NEK11: variants seen among roughly 807,000 people sequenced by gnomAD.
NEK11 encodes serine/threonine-protein kinase Nek11.
Under a neutral mutation model 80.7 loss-of-function variants are expected in NEK11, and 72 were observed. The observed-to-expected ratio is 0.89, with a 90% CI of 0.74 to 1.08. NEK11 has a LOEUF of 1.08. Ranked by LOEUF, NEK11 falls within the 50% of genes least tolerant of loss-of-function variation. NEK11 has a pLI of 0.00. For synonymous variants in NEK11, 251 were observed against 260.7 expected (o/e 0.96, Z 0.36); for missense variants, 764 against 763.6 (o/e 1.00, Z -0.01).
At chr3:131,046,117 T>C (rs952189498) in intron 3 of NEK11, among the ~76,000 whole-genome samples, 2 of 152,232 alleles carry the variant, frequency 1.3e-5, no homozygotes, top group African/African-American at 4.8e-5. Context: ...AACATTAATA[T>C]TGAGATACAT....
intron 16 of NEK11, among the ~76,000 whole-genome samples, chr3:131,270,984 T>G (rs746545483): frequency 6.6e-6 from 1 of 152,214 alleles, no homozygotes; most frequent in East Asian, 1.9e-4. Context: ...GGAAAGATTA[T>G]TGTAAAAAGC....
intron 5 of NEK11, among the ~76,000 whole-genome samples, chr3:131,120,844 C>T (rs538198579): frequency 3.7e-4 from 57 of 152,266 alleles, no homozygotes; most frequent in Middle Eastern, 3.4e-3. Context: ...CATTTAAGGT[C>T]TTCTCTATGC....
chr3:131,124,797 A>G (rs892631689), intron 5 of NEK11, among the ~76,000 whole-genome samples: 1 of 152,228 alleles, frequency 6.6e-6, no homozygotes. Context: ...AATAGTTATT[A>G]AATAGCAAAG....
At chr3:131,258,287 A>G (rs2095853543) in intron 16 of NEK11, among the ~76,000 whole-genome samples, 1 of 152,084 alleles carries the variant, frequency 6.6e-6, no homozygotes, top group African/African-American at 2.4e-5. Flanking sequence ...ATAGCCAAAA[A>G]CCACCTGTTC....
At chr3:131,038,707 G>T (rs1315204581) in intron 3 of NEK11, among the ~76,000 whole-genome samples, 2 of 152,158 alleles carry the variant, frequency 1.3e-5, no homozygotes, top group Admixed American at 6.5e-5. Context: ...ACTGTTGTTT[G>T]AAAGAAAACA....
intron 15 of NEK11, among the ~76,000 whole-genome samples, chr3:131,233,451 A>G (rs1002383533): frequency 6.6e-6 from 1 of 152,182 alleles, no homozygotes; most frequent in African/African-American, 2.4e-5. Flanking sequence ...GTATTATTTC[A>G]TTTAATTCTT....
intron 3 of NEK11, among the ~76,000 whole-genome samples, chr3:131,033,529 T>C (rs944314945): frequency 6.6e-6 from 1 of 152,218 alleles, no homozygotes; most frequent in African/African-American, 2.4e-5. Context: ...GTAGGACTTA[T>C]GACTAGTTTC....
At chr3:131,304,847 G>A (rs369918518) in intron 17 of NEK11, among the ~76,000 whole-genome samples, 9 of 152,232 alleles carry the variant, frequency 5.9e-5, no homozygotes, top group East Asian at 3.9e-4. Context: ...GTGTTCACGC[G>A]CACATGCCAT....
intron 16 of NEK11, among the ~76,000 whole-genome samples, chr3:131,255,079 G>GGAAAGAAAGAAA (rs59699596): frequency 0.015 from 1,791 of 119,176 alleles, 19 homozygotes; most frequent in African/African-American, 0.019. Context: ...ACAGAAAGAA[G>GGAAAGAAAGAAA]GAAAGAAAGA....
Position 131,334,614 on chromosome 3 carries a change from A to C in NEK11, c.1719-14943A>C, listed in dbSNP as rs1368514494. On this transcript the variant is annotated intron_variant, in intron 17 of 17. Transcript: ENST00000383366. ...CTAGCAGAAGGCAAGAAATAACTAA[A>C]ATCAGAGCAGAACTGAAGGAAATAG... 5.9e-5 allele frequency among the ~76,000 whole-genome samples: 9 copies of C among 151,672 alleles called. No homozygotes were observed. The South Asian group carries it at 1.0e-3, about 18-fold the overall frequency.
At chr3:131,271,687 T>C (rs1206226193) in intron 16 of NEK11, among the ~76,000 whole-genome samples, 1 of 150,954 alleles carries the variant, frequency 6.6e-6, no homozygotes, top group Non-Finnish European at 1.5e-5. Context: ...CCCAGCTACT[T>C]GGGAGGCTGA....
intron 3 of NEK11, among the ~76,000 whole-genome samples, chr3:131,056,286 C>G (rs1440349533): frequency 2.0e-5 from 3 of 152,196 alleles, no homozygotes. Context: ...CCCCATCTCT[C>G]CCCTTGTAGA....
chr3:131,277,021 T>C (rs186786746), intron 17 of NEK11, among the ~76,000 whole-genome samples: 46 of 152,328 alleles, frequency 3.0e-4, no homozygotes, highest in Middle Eastern at 6.8e-3. Flanking sequence ...AGATATCTCT[T>C]ACTGTGGGTT....
rs539065210 is a variant in NEK11 at position 131,064,011 on chromosome 3, A to G, written c.171-16412A>G. 1.3e-4 allele frequency among the ~76,000 whole-genome samples: 20 copies of G among 152,358 alleles called. No individual in the cohort carries two copies. The South Asian group carries it at 4.1e-3, about 32-fold the overall frequency. ...TTATTTAGCCATGAGAAGCCATGAAATACTGATACATGCTACAGTCTGGAT... is the reference window on the plus strand; with the variant it reads ...TTATTTAGCCATGAGAAGCCATGAAGTACTGATACATGCTACAGTCTGGAT... On this transcript the variant is annotated intron_variant, in intron 3 of 17. Transcript: ENST00000383366.
rs146059741 is a variant in NEK11 at position 131,107,476 on chromosome 3, A to G, written c.337-2327A>G. Among the ~76,000 whole-genome samples, 81 of 150,868 alleles carry G rather than the reference A, an allele frequency of 5.4e-4. 1 individual carries two copies. Among genetic ancestry groups the G allele is most frequent in the African/African-American group, 1.9e-3 (77 of 41,052 alleles). ...TCTTCATCCTCTTCTCTCTCCTTTC[A>G]CTCCTCTTCTGAAGGTATTCAGGAA... On this transcript the variant is annotated intron_variant, in intron 4 of 17. Transcript: ENST00000383366.
intron 15 of NEK11, among the ~76,000 whole-genome samples, chr3:131,229,691 G>A (rs2095291154): frequency 6.6e-6 from 1 of 151,994 alleles, no homozygotes; most frequent in South Asian, 2.1e-4. Flanking sequence ...ATAAATAAAA[G>A]CAGTAAGAAG....
At chr3:131,322,570 G>C (rs1039009625) in intron 17 of NEK11, among the ~76,000 whole-genome samples, 1 of 152,160 alleles carries the variant, frequency 6.6e-6, no homozygotes, top group Non-Finnish European at 1.5e-5. Flanking sequence ...GCAAACCAGA[G>C]CCTGTGTTTC....
chr3:131,039,670 G>A (rs775208921), intron 3 of NEK11, among the ~76,000 whole-genome samples: 4 of 152,128 alleles, frequency 2.6e-5, no homozygotes, highest in Non-Finnish European at 4.4e-5. Context: ...AATTTTAGTT[G>A]TGATATCATC....
chr3:131,162,490 A>C lies in NEK11; in HGVS notation c.1045A>C (p.Lys349Gln), dbSNP rs146051556. The C allele has an allele frequency of 6.2e-7, 1 of 1,614,140 alleles. No individual in the cohort carries two copies. The highest frequency in any genetic ancestry group is 1.3e-5 in the African/African-American group (1 of 75,038). ...MTPRERMRLRKLQAADEKARK... is the reference protein window; with the variant it reads ...MTPRERMRLRQLQAADEKARK... Reference sequence around the variant, plus strand: ...GCCAAGAGAAAGGATGCGGCTGAGGAAGCTCCAGGCGGCTGATGAGAAAGC... The same window carrying C: ...GCCAAGAGAAAGGATGCGGCTGAGGCAGCTCCAGGCGGCTGATGAGAAAGC... Residue 349 changes from lysine to glutamine, a missense_variant, in exon 11 of 18, where the codon AAG becomes CAG. Physicochemically the swap from Lys to Gln is moderately conservative, Grantham distance 53. Transcript: ENST00000383366.
Sources: allele counts gnomAD v4.1 joint callset (sites outside exome capture counted in the v4.1 genomes callset), GRCh38; gene constraint gnomAD v4.1.1; transcripts MANE v1.5; gene names NCBI Gene and HGNC (gene_info 2026-07-23, HGNC 2026-07-21).